SGSM1: variants seen among roughly 807,000 people sequenced by gnomAD.
SGSM1 encodes RUN and TBC1 domain containing 2.
In SGSM1, 73 loss-of-function variants were observed where a neutral mutation model predicts 133.8. The observed-to-expected ratio is 0.55, with a 90% CI of 0.45 to 0.66. SGSM1 has a LOEUF of 0.66. SGSM1 is among the 30% of genes least tolerant of loss of function. SGSM1 has a pLI of 0.00. For synonymous variants in SGSM1, 563 were observed against 573.0 expected (o/e 0.98, Z 0.25); for missense variants, 1,213 against 1,448.1 (o/e 0.84, Z 2.64).
In SGSM1 at chr22:24,851,449, GGAGAGAGA is replaced by G. The variant is rs56956761; in HGVS notation, c.455+1046_455+1053del. 6.7e-3 allele frequency among the ~76,000 whole-genome samples: 753 copies of G among 112,856 alleles called. 6 individuals carry two copies. The highest frequency in any genetic ancestry group is 0.023 in the African/African-American group (652 of 28,580). 74.0% of individuals were successfully genotyped at this position (112,856 alleles called of 152,430 possible). On this transcript the variant is annotated intron_variant, in intron 5 of 24. Coordinates refer to ENST00000400358, the MANE Select transcript of SGSM1 (RefSeq NM_001098497.3). ...GGCAGGAAGGGAGGGGGGGGTGGGG[GGAGAGAGA>G]GAGAGAGAGAGAGAGAGAGAGAGAG...
intron 12 of SGSM1, among the ~76,000 whole-genome samples, chr22:24,872,555 T>C (rs888547960): frequency 6.6e-6 from 1 of 152,208 alleles, no homozygotes; most frequent in Non-Finnish European, 1.5e-5. Flanking sequence ...TTGGATAGAC[T>C]AGGTTAGACA....
intron 9 of SGSM1, among the ~76,000 whole-genome samples, chr22:24,865,800 G>T (rs917602431): frequency 1.3e-5 from 2 of 152,200 alleles, no homozygotes; most frequent in African/African-American, 4.8e-5. Flanking sequence ...TGGGCAGAAG[G>T]AGTCTGAGAC....
At chr22:24,858,032 A>G (rs1028394150) in intron 8 of SGSM1, among the ~76,000 whole-genome samples, 1 of 152,166 alleles carries the variant, frequency 6.6e-6, no homozygotes, top group Non-Finnish European at 1.5e-5. Flanking sequence ...GCTGGAGTGC[A>G]GTGGTGTGAT....
chr22:24,872,656 C>T (rs762930024), intron 12 of SGSM1, among the ~76,000 whole-genome samples: 2 of 152,146 alleles, frequency 1.3e-5, no homozygotes, highest in South Asian at 4.1e-4. Flanking sequence ...CAGTGGCCCA[C>T]GCCTGTAATC....
intron 2 of SGSM1, among the ~76,000 whole-genome samples, chr22:24,822,191 C>T (rs1304611675): frequency 4.7e-5 from 7 of 150,052 alleles, no homozygotes; most frequent in African/African-American, 7.4e-5. Flanking sequence ...CCCAGGTTCA[C>T]GCCATTCTTC....
chr22:24,858,529 G>A lies in SGSM1; in HGVS notation c.802-1187G>A, dbSNP rs531056682. ...CAGGTGCCTGTAATCCCCACTACTC[G>A]GGAAGTTGAGGCAGAAGAATCACCT... On this transcript the variant is annotated intron_variant, in intron 8 of 24. Coordinates refer to ENST00000400358, the MANE Select transcript of SGSM1 (RefSeq NM_001098497.3). Among the ~76,000 whole-genome samples the A allele has an allele frequency of 6.5e-3, 989 of 151,826 alleles. 6 individuals are homozygous for A. Among genetic ancestry groups the A allele is most frequent in the Non-Finnish European group, 0.011 (767 of 67,954 alleles).
chr22:24,882,017 G>C (rs1308202540), intron 14 of SGSM1, among the ~76,000 whole-genome samples: 2 of 151,486 alleles, frequency 1.3e-5, no homozygotes, highest in Non-Finnish European at 3.0e-5. Context: ...CTTGGGGGGG[G>C]GCCTTTTTAA....
rs575744188 is a variant in SGSM1 at position 24,886,807 on chromosome 22, C to T, written c.1770+79C>T. ...CTGTGGGGCTGGGGAGTGCTGGTTC[C>T]ACGCTGGACCAAGGAAGGGGAGGGA... On this transcript the variant is annotated intron_variant, in intron 16 of 24. Transcript: ENST00000400358. 1.2e-3 allele frequency: 1,791 copies of T among 1,456,140 alleles called. 8 individuals carry two copies. The highest frequency in any genetic ancestry group is 9.7e-4 in the Non-Finnish European group (1,055 of 1,091,568). 90.2% of individuals were successfully genotyped at this position (1,456,140 alleles called of 1,614,324 possible).
chr22:24,885,644 G>C (rs150758944), intron 15 of SGSM1, among the ~76,000 whole-genome samples: 2,892 of 151,610 alleles, frequency 0.019, 48 homozygotes, highest in East Asian at 0.087. Flanking sequence ...GGCTGGTCTG[G>C]AACTCCTGAC....
chr22:24,856,494 G>A (rs546930637), intron 8 of SGSM1, among the ~76,000 whole-genome samples: 32 of 152,294 alleles, frequency 2.1e-4, no homozygotes, highest in Non-Finnish European at 2.5e-4. Context: ...GGTAGGTGAG[G>A]CATATGCAGT....
chr22:24,881,651 A>G (rs1932339830), intron 14 of SGSM1, among the ~76,000 whole-genome samples: 1 of 152,212 alleles, frequency 6.6e-6, no homozygotes, highest in South Asian at 2.1e-4. Context: ...GTTCCTTGCC[A>G]TGCAGCGTGT....
At chr22:24,835,943 A>G (rs1929402305) in intron 2 of SGSM1, among the ~76,000 whole-genome samples, 1 of 152,196 alleles carries the variant, frequency 6.6e-6, no homozygotes, top group Non-Finnish European at 1.5e-5. Flanking sequence ...AACATATACC[A>G]TATGCACATT....
intron 20 of SGSM1, among the ~76,000 whole-genome samples, chr22:24,902,333 A>G (rs1200548615): frequency 2.0e-5 from 3 of 151,534 alleles, no homozygotes; most frequent in African/African-American, 7.3e-5. Flanking sequence ...TCCTTTTTCT[A>G]TTTTTCTTTA....
chr22:24,917,228 G>A (rs1373760038), intron 22 of SGSM1, among the ~76,000 whole-genome samples: 2 of 151,954 alleles, frequency 1.3e-5, no homozygotes, highest in Admixed American at 1.3e-4. Context: ...TGGAATTGCT[G>A]CATCATATGG....
At chr22:24,837,427 G>A (rs980040701) in intron 2 of SGSM1, among the ~76,000 whole-genome samples, 7 of 152,232 alleles carry the variant, frequency 4.6e-5, no homozygotes, top group Non-Finnish European at 8.8e-5. Context: ...GATGAAACAT[G>A]AAGGCAGACT....
At chr22:24,890,800 C>G (rs1347333892) in intron 16 of SGSM1, among the ~76,000 whole-genome samples, 8 of 152,154 alleles carry the variant, frequency 5.3e-5, no homozygotes. Context: ...CCTCGGACTC[C>G]CAAAGTCCTG....
At position 24,912,789 on chromosome 22, in the gene SGSM1, TG is replaced by T. The variant is rs35744595; in HGVS notation, c.2928+40del. The T allele has an allele frequency of 5.4e-6, 8 of 1,485,470 alleles. No homozygotes were observed. The South Asian group carries it at 9.4e-5, about 18-fold the overall frequency. 92.0% of individuals were successfully genotyped at this position (1,485,470 alleles called of 1,614,324 possible). A position where few individuals can be genotyped will look rare whatever the true frequency, so the allele number is the denominator to read the frequency against. ...CATCCATTCTTGCTTTGGACTTTTT[TG>T]GGAAACAGTTAGTAAAGCTTAGTGG... On this transcript the variant is annotated intron_variant, in intron 22 of 24. Transcript: ENST00000400358.
In SGSM1 at chr22:24,895,203, C is replaced by T. The variant is rs1443127684; in HGVS notation, c.1954-20C>T. The T allele has an allele frequency of 6.3e-7, 1 of 1,596,514 alleles. No individual in the cohort carries two copies. The highest frequency in any genetic ancestry group is 1.3e-5 in the African/African-American group (1 of 74,274). On this transcript the variant is annotated intron_variant, in intron 17 of 24. Transcript: ENST00000400358. ...GGGTGCAGCCTCACCCTCCCTCCCTCCTGCTCTTTCTTTTCTCAGTCCTCC... is the reference window on the plus strand; with the variant it reads ...GGGTGCAGCCTCACCCTCCCTCCCTTCTGCTCTTTCTTTTCTCAGTCCTCC...
chr22:24,839,204 G>A (rs1929648422), intron 2 of SGSM1, among the ~76,000 whole-genome samples: 1 of 152,116 alleles, frequency 6.6e-6, no homozygotes, highest in Non-Finnish European at 1.5e-5. Context: ...GCAGGCACAT[G>A]CCACCATGCC....
Sources: allele counts gnomAD v4.1 joint callset (sites outside exome capture counted in the v4.1 genomes callset), GRCh38; gene constraint gnomAD v4.1.1; transcripts MANE v1.5; gene names NCBI Gene and HGNC (gene_info 2026-07-23, HGNC 2026-07-21).